Variants in GLI3 observed in about 807,000 individuals in gnomAD.
GLI3 encodes GLI family zinc finger 3, also known as transcription activator GLI3.
A neutral mutation model predicts 100.8 loss-of-function variants in GLI3; 20 were observed. The observed-to-expected ratio is 0.20, with a 90% CI of 0.14 to 0.29. The LOEUF (loss-of-function observed/expected upper bound fraction) is 0.29, where lower values mean the gene tolerates loss of function less well. Among genes scored for constraint, GLI3 ranks in the 10% least tolerant of loss-of-function variants. GLI3 has a pLI of 1.00. For synonymous variants in GLI3, 938 were observed against 860.5 expected (o/e 1.09, Z -1.58); for missense variants, 2,040 against 2,128.5 (o/e 0.96, Z 0.82).
chr7:42,030,598 A>G (rs1383322028), intron 7 of GLI3, among the ~76,000 whole-genome samples: 2 of 151,994 alleles, frequency 1.3e-5, no homozygotes, highest in African/African-American at 4.8e-5. Context: ...CAGAAGGTAA[A>G]TTCTATTTTT....
intron 3 of GLI3, among the ~76,000 whole-genome samples, chr7:42,085,724 G>A (rs1433848068): frequency 6.6e-6 from 1 of 152,162 alleles, no homozygotes; most frequent in Non-Finnish European, 1.5e-5. Flanking sequence ...TGCTTTGGAG[G>A]CGGCAACCCT....
intron 4 of GLI3, among the ~76,000 whole-genome samples, chr7:42,049,758 A>G (rs1237688618): frequency 1.3e-5 from 2 of 152,152 alleles, no homozygotes; most frequent in East Asian, 1.9e-4. Context: ...CTCTAACGGA[A>G]AACATTTGGC....
chr7:42,180,036 C>T (rs1328595966), intron 2 of GLI3, among the ~76,000 whole-genome samples: 2 of 152,102 alleles, frequency 1.3e-5, no homozygotes, highest in South Asian at 2.1e-4. Context: ...AAACTGGCTG[C>T]GAGCTCCCAA....
At position 42,079,286 on chromosome 7, in the gene GLI3, A is replaced by T. The variant is rs140047925; in HGVS notation, c.368-2429T>A. Among the ~76,000 whole-genome samples, 230 of 152,308 alleles carry T rather than the reference A, an allele frequency of 1.5e-3. 8 individuals are homozygous for T. The East Asian group carries it at 0.041, about 27-fold the overall frequency. The stretch of plus-strand genomic sequence containing the variant: ...AGAGCCAAACATTCTCTCTCATTTA[A>T]CCATTTTCAAAGGAAATTATGCACC... On this transcript the variant is annotated intron_variant, in intron 3 of 14. Coordinates refer to ENST00000395925, the MANE Select transcript of GLI3 (RefSeq NM_000168.6).
chr7:41,997,946 C>T (rs1471426887), intron 10 of GLI3, among the ~76,000 whole-genome samples: 3 of 152,178 alleles, frequency 2.0e-5, no homozygotes, highest in Admixed American at 2.0e-4. Flanking sequence ...TCTTGCTCTA[C>T]GTCAGAGGAG....
Position 42,243,301 on chromosome 7 carries a change from C to G in GLI3, c.-42-20006G>C, listed in dbSNP as rs531921967. Among the ~76,000 whole-genome samples the G allele has an allele frequency of 3.9e-5, 6 of 152,254 alleles. No individual in the cohort carries two copies. In the East Asian group the frequency reaches 7.7e-4, roughly 20 times the overall value. On this transcript the variant is annotated intron_variant, in intron 1 of 2. Coordinates refer to the GLI3 transcript ENST00000678978. ...GCATCCCTTTCATGGTCCAGCATGA[C>G]TAGGAAAAGTAGCACAAATTATACA...
At chr7:42,081,288 T>G (rs528906413) in intron 3 of GLI3, among the ~76,000 whole-genome samples, 1 of 152,184 alleles carries the variant, frequency 6.6e-6, no homozygotes, top group Non-Finnish European at 1.5e-5. Context: ...AGCAGTCAAC[T>G]GTACATGCTT....
intron 4 of GLI3, among the ~76,000 whole-genome samples, chr7:42,052,938 A>C (rs1784380325): frequency 6.6e-6 from 1 of 152,208 alleles, no homozygotes; most frequent in South Asian, 2.1e-4. Context: ...TTTTAACCTT[A>C]CCTAACGGAG....
intron 1 of GLI3, among the ~76,000 whole-genome samples, chr7:42,224,054 G>T (rs1788539884): frequency 6.6e-6 from 1 of 152,206 alleles, no homozygotes; most frequent in African/African-American, 2.4e-5. Context: ...CTAAAGGCAG[G>T]TTCAGTAGGT....
chr7:42,013,710 A>G (rs1228516774), intron 10 of GLI3, among the ~76,000 whole-genome samples: 2 of 152,202 alleles, frequency 1.3e-5, no homozygotes, highest in Non-Finnish European at 2.9e-5. Flanking sequence ...ATAATGACAA[A>G]GGAAAAATGA....
chr7:42,221,284 T>C (rs112482024), intron 2 of GLI3, among the ~76,000 whole-genome samples: 87 of 152,210 alleles, frequency 5.7e-4, no homozygotes, highest in African/African-American at 1.9e-3. Flanking sequence ...CCAGGTGTGG[T>C]AGTGGCACAA....
At chr7:41,989,729 T>C (rs946955000) in intron 10 of GLI3, among the ~76,000 whole-genome samples, 3 of 152,080 alleles carry the variant, frequency 2.0e-5, no homozygotes, top group Non-Finnish European at 4.4e-5. Context: ...TTCAACCTGT[T>C]GTCAAAATAA....
rs56200386 is a variant in GLI3 at position 42,115,133 on chromosome 7, C to CTTTTTT, written c.367+33087_367+33092dup. Reference sequence around the variant, plus strand: ...GTGTTGGCCCCAAATAATTTTCCTACTTTTTTTTTTTTTTTTTTTTTTTGA... The same window carrying CTTTTTT: ...GTGTTGGCCCCAAATAATTTTCCTACTTTTTTTTTTTTTTTTTTTTTTTTTTTTTGA... On this transcript the variant is annotated intron_variant, in intron 3 of 14. Transcript: ENST00000395925. Among the ~76,000 whole-genome samples, 51 of 99,642 alleles carry CTTTTTT rather than the reference C, an allele frequency of 5.1e-4. 1 individual carries two copies. Among genetic ancestry groups the CTTTTTT allele is most frequent in the Admixed American group, 1.8e-3 (14 of 7,976 alleles). 65.4% of individuals were successfully genotyped at this position (99,642 alleles called of 152,430 possible).
intron 10 of GLI3, among the ~76,000 whole-genome samples, chr7:42,002,436 G>A (rs1346003095): frequency 6.6e-6 from 1 of 151,956 alleles, no homozygotes; most frequent in East Asian, 1.9e-4. Context: ...TAAAATAGGA[G>A]GAATATGGCT....
In GLI3 at chr7:41,964,689, T is replaced by G; in HGVS notation, c.4384A>C (p.Ile1462Leu). Reference protein sequence around the residue: ...QQDTKAGSFSISDASCLLQGT... With the variant: ...QQDTKAGSFSLSDASCLLQGT... ...TGTAGCAGGCAGCTGGCGTCTGAAA[T>G]AGAGAATGAACCAGCTTTCGTGTCT... is the stretch of plus-strand genomic sequence containing the variant. Residue 1462 changes from isoleucine (I) to leucine (L), a missense_variant, in exon 15 of 15, where the codon ATT (isoleucine) becomes CTT (leucine). Physicochemically the swap from Ile to Leu is conservative, Grantham distance 5. This residue lies in a region of GLI3 where 1,041 missense variants were observed against 924.0 expected (regional missense o/e 1.13). Coordinates refer to ENST00000395925, the MANE Select transcript of GLI3 (RefSeq NM_000168.6). The G allele has an allele frequency of 6.2e-7, 1 of 1,614,126 alleles. No homozygotes were observed. Among genetic ancestry groups the G allele is most frequent in the Non-Finnish European group, 8.5e-7 (1 of 1,179,990 alleles).
At chr7:42,053,063 C>T (rs1285714122) in intron 4 of GLI3, among the ~76,000 whole-genome samples, 20 of 152,178 alleles carry the variant, frequency 1.3e-4, no homozygotes, top group African/African-American at 4.8e-4. Flanking sequence ...GGCGCAATCT[C>T]GGCTCACTGC....
intron 10 of GLI3, among the ~76,000 whole-genome samples, chr7:42,020,352 T>A (rs1218784408): frequency 6.6e-6 from 1 of 152,168 alleles, no homozygotes; most frequent in Non-Finnish European, 1.5e-5. Context: ...GGAGAACTTG[T>A]CAGGATTTAA....
At chr7:41,981,883 G>A (rs1025899479) in intron 10 of GLI3, among the ~76,000 whole-genome samples, 3 of 152,136 alleles carry the variant, frequency 2.0e-5, no homozygotes, top group Admixed American at 6.5e-5. Context: ...TATTTATACC[G>A]CACCCAGCTT....
intron 4 of GLI3, among the ~76,000 whole-genome samples, chr7:42,067,682 A>G (rs1784702933): frequency 6.6e-6 from 1 of 152,132 alleles, no homozygotes; most frequent in African/African-American, 2.4e-5. Flanking sequence ...CCTAGGCCAT[A>G]CTAGACTTGG....
Sources: gnomAD v4.1 joint callset for allele counts (sites outside exome capture counted in the v4.1 genomes callset) on GRCh38, gnomAD v4.1.1 for gene constraint, gnomAD v4.1.1 regional missense constraint, MANE v1.5 for transcripts, NCBI Gene and HGNC (gene_info 2026-07-23, HGNC 2026-07-21) for gene names.